NRXN1: variants seen among roughly 807,000 people sequenced by gnomAD.
The protein encoded by NRXN1 is neurexin 1, also known as neurexin-1.
Under a neutral mutation model 150.9 loss-of-function variants are expected in NRXN1, and 39 were observed. The ratio of observed to expected loss-of-function variants is 0.26; its 90% CI spans 0.20 to 0.34. The LOEUF (loss-of-function observed/expected upper bound fraction) is 0.34. NRXN1 is among the 10% of genes least tolerant of loss of function. The probability of loss-of-function intolerance (pLI) is 1.00; values close to 1 mark genes in which losing one functional copy is unlikely to be tolerated. For missense variants in NRXN1, 1,815 were observed against 1,949.9 expected, an observed-to-expected ratio of 0.93 and a Z score of 1.30; for synonymous variants, 924 against 757.0, an observed-to-expected ratio of 1.22 and a Z score of -3.62.
At chr2:50,913,014 T>G (rs560821380) in intron 5 of NRXN1, 14 of 151,938 alleles carry the variant, frequency 9.2e-5, no homozygotes, top group African/African-American at 3.1e-4. Context: ...ATGCCACTGG[T>G]CACTGAAAGT....
intron 18 of NRXN1, among the ~76,000 whole-genome samples, chr2:50,191,322 G>A (rs1052316635): frequency 2.6e-5 from 4 of 151,724 alleles, no homozygotes; most frequent in Non-Finnish European, 5.9e-5. Flanking sequence ...ACACAGGTGT[G>A]AGCCACCATG....
At chr2:50,588,357 C>T (rs958444876) in intron 8 of NRXN1, among the ~76,000 whole-genome samples, 1 of 152,082 alleles carries the variant, frequency 6.6e-6, no homozygotes, top group Admixed American at 6.6e-5. Flanking sequence ...AACTGTGACA[C>T]TGGGTCTTTG....
chr2:50,924,820 G>C (rs868334335), intron 3 of NRXN1, among the ~76,000 whole-genome samples: 40 of 151,700 alleles, frequency 2.6e-4, no homozygotes, highest in African/African-American at 9.4e-4. Context: ...CAAATATAAT[G>C]TTTACCCCTG....
At chr2:50,106,716 A>G (rs1289269958) in intron 18 of NRXN1, among the ~76,000 whole-genome samples, 2 of 151,932 alleles carry the variant, frequency 1.3e-5, no homozygotes, top group East Asian at 1.9e-4. Context: ...GCTGTCTCAA[A>G]CTTTGTGATC....
At chr2:50,328,226 T>C (rs1236499948) in intron 17 of NRXN1, among the ~76,000 whole-genome samples, 1 of 152,088 alleles carries the variant, frequency 6.6e-6, no homozygotes, top group Non-Finnish European at 1.5e-5. Flanking sequence ...TTGTTTTTTT[T>C]TTAGTTCATC....
At chr2:50,401,215 T>G (rs939603045) in intron 17 of NRXN1, among the ~76,000 whole-genome samples, 1 of 152,186 alleles carries the variant, frequency 6.6e-6, no homozygotes, top group Non-Finnish European at 1.5e-5. Context: ...CTTACATTAA[T>G]TTTTGTTTCT....
intron 2 of NRXN1, among the ~76,000 whole-genome samples, chr2:50,954,717 C>T (rs1018096625): frequency 6.6e-6 from 1 of 152,188 alleles, no homozygotes; most frequent in African/African-American, 2.4e-5. Flanking sequence ...AAGCTTACTT[C>T]CAGTTCTTTA....
chr2:49,984,336 A>G (rs754807389), intron 21 of NRXN1, among the ~76,000 whole-genome samples: 12 of 152,188 alleles, frequency 7.9e-5, no homozygotes, highest in Non-Finnish European at 1.6e-4. Context: ...CATTCTAGTA[A>G]AATCACTACA....
intron 5 of NRXN1, among the ~76,000 whole-genome samples, chr2:50,827,781 C>G (rs1003258330): frequency 6.6e-5 from 10 of 150,974 alleles, no homozygotes; most frequent in African/African-American, 2.2e-4. Flanking sequence ...TCCCTGGGTA[C>G]TTGAGATTAG....
intron 17 of NRXN1, among the ~76,000 whole-genome samples, chr2:50,274,228 G>A (rs2070110535): frequency 6.6e-6 from 1 of 152,138 alleles, no homozygotes; most frequent in Non-Finnish European, 1.5e-5. Flanking sequence ...CCTTCACAGG[G>A]ACATGGATGA....
At chr2:50,369,452 T>C (rs2079845839) in intron 17 of NRXN1, among the ~76,000 whole-genome samples, 1 of 152,004 alleles carries the variant, frequency 6.6e-6, no homozygotes, top group Admixed American at 6.6e-5. Context: ...ATCACATGGA[T>C]TGATCTTACA....
chr2:50,706,266 T>C (rs761851669), intron 5 of NRXN1, among the ~76,000 whole-genome samples: 2 of 152,208 alleles, frequency 1.3e-5, no homozygotes, highest in Non-Finnish European at 2.9e-5. Context: ...AACTCCAGGG[T>C]ACTTTTTGAT....
At chr2:50,365,511 G>A (rs896091160) in intron 17 of NRXN1, among the ~76,000 whole-genome samples, 1 of 152,004 alleles carries the variant, frequency 6.6e-6, no homozygotes, top group Non-Finnish European at 1.5e-5. Context: ...ATTTTCTATA[G>A]TGAATTACTT....
intron 21 of NRXN1, among the ~76,000 whole-genome samples, chr2:50,050,382 T>C (rs57207790): frequency 0.012 from 1,880 of 152,118 alleles, 45 homozygotes; most frequent in African/African-American, 0.043. Flanking sequence ...TCTGTTTCCA[T>C]AGTTTTAAAA....
At chr2:50,841,541 G>A (rs375927518) in intron 5 of NRXN1, among the ~76,000 whole-genome samples, 15 of 152,110 alleles carry the variant, frequency 9.9e-5, no homozygotes, top group Admixed American at 5.9e-4. Flanking sequence ...CTTTATTTGC[G>A]TTATGTAAAT....
chr2:50,770,143 A>C (rs1702834319), intron 5 of NRXN1, among the ~76,000 whole-genome samples: 1 of 152,104 alleles, frequency 6.6e-6, no homozygotes, highest in Non-Finnish European at 1.5e-5. Context: ...CAGGGAAATA[A>C]CATTATAATA....
intron 18 of NRXN1, among the ~76,000 whole-genome samples, chr2:50,203,887 G>A (rs1167716757): frequency 6.6e-6 from 1 of 152,060 alleles, no homozygotes; most frequent in Non-Finnish European, 1.5e-5. Context: ...GTGACTGGGT[G>A]AGTTTTCCTG....
intron 5 of NRXN1, among the ~76,000 whole-genome samples, chr2:50,702,405 C>T (rs193263741): frequency 1.3e-5 from 2 of 150,688 alleles, no homozygotes; most frequent in East Asian, 3.9e-4. Flanking sequence ...ATATGTAAAA[C>T]ACAGAAGAGA....
chr2:50,132,136 T>C (rs541609734), intron 18 of NRXN1, among the ~76,000 whole-genome samples: 9 of 152,124 alleles, frequency 5.9e-5, no homozygotes, highest in Non-Finnish European at 8.8e-5. Context: ...AGTGTGCTAA[T>C]TGTATAGATC....
Sources: allele counts gnomAD v4.1 joint callset (sites outside exome capture counted in the v4.1 genomes callset), GRCh38; gene constraint gnomAD v4.1.1; transcripts MANE v1.5; gene names NCBI Gene and HGNC (gene_info 2026-07-23, HGNC 2026-07-21).